Variants in METTL9 observed in about 807,000 individuals in gnomAD.
The protein encoded by METTL9 is methyltransferase 9, His-X-His N1(pi)-histidine.
In METTL9, 10 loss-of-function variants were observed where a neutral mutation model predicts 36.0. That is an observed-to-expected ratio of 0.28 (90% CI 0.17 to 0.47). The LOEUF (loss-of-function observed/expected upper bound fraction) is 0.47. Ranked by LOEUF, METTL9 falls within the 20% of genes least tolerant of loss-of-function variation. The pLI is 0.99. For missense variants in METTL9, 246 were observed against 383.5 expected, an observed-to-expected ratio of 0.64 and a Z score of 3.00; for synonymous variants, 175 against 149.7, an observed-to-expected ratio of 1.17 and a Z score of -1.23.
At chr16:21,630,881 T>C (rs1255189575) in intron 4 of METTL9, among the ~76,000 whole-genome samples, 1 of 152,164 alleles carries the variant, frequency 6.6e-6, no homozygotes, top group Non-Finnish European at 1.5e-5. Context: ...TACAAGAGTT[T>C]GAAAGGTGGT....
upstream of METTL9, among the ~76,000 whole-genome samples, chr16:21,597,533 T>C (rs1451559379): frequency 6.6e-6 from 1 of 152,224 alleles, no homozygotes; most frequent in Non-Finnish European, 1.5e-5. Context: ...GACCCCAAAA[T>C]CCTTCTGACT....
chr16:21,651,817 A>T (rs1966584058), intron 4 of METTL9: 1 of 152,186 alleles, frequency 6.6e-6, no homozygotes, highest in South Asian at 2.1e-4. Context: ...CTTTAAAATA[A>T]TGCTAATTAA....
intron 4 of METTL9, among the ~76,000 whole-genome samples, chr16:21,633,594 T>C (rs1327761093): frequency 6.6e-6 from 1 of 152,164 alleles, no homozygotes; most frequent in Non-Finnish European, 1.5e-5. Context: ...TGCACCATTC[T>C]GCCTCCTCTG....
At chr16:21,638,497 A>G (rs1966163931) in intron 4 of METTL9, among the ~76,000 whole-genome samples, 1 of 152,154 alleles carries the variant, frequency 6.6e-6, no homozygotes, top group Non-Finnish European at 1.5e-5. Flanking sequence ...CTATAGAAAC[A>G]TTGTTCAATT....
chr16:21,641,514 C>T, intron 4 of METTL9: 2 of 1,505,874 alleles, frequency 1.3e-6, no homozygotes, highest in Non-Finnish European at 1.8e-6. Context: ...TCAGTGACTT[C>T]ATTGAAAATT....
intron 4 of METTL9, among the ~76,000 whole-genome samples, chr16:21,651,535 C>T (rs890540849): frequency 1.3e-5 from 2 of 152,012 alleles, no homozygotes; most frequent in Non-Finnish European, 2.9e-5. Context: ...CTCCTGAGCT[C>T]AAGTGATCCT....
intron 4 of METTL9, among the ~76,000 whole-genome samples, chr16:21,650,508 CAAA>C (rs3046229): frequency 7.8e-5 from 7 of 89,980 alleles, no homozygotes; most frequent in Non-Finnish European, 6.5e-5. Context: ...ACTCTTGTCT[CAAA>C]AAAAAAAAAA....
In METTL9 at chr16:21,599,600, T is replaced by C; in HGVS notation, c.-134T>C. ...TCCTCCCCACCCCCAGCCTTTGCCC[T>C]GAAGGGGGCTGGATGGGCAAGGCGG... On this transcript the variant is annotated 5_prime_UTR_variant, in exon 1 of 5. Transcript: ENST00000358154. The surrounding 1 kb of genome is among the most constrained non-coding windows in gnomAD (Gnocchi z 4.4). The C allele has an allele frequency of 7.6e-7, 1 of 1,315,970 alleles. No individual in the cohort carries two copies. 81.5% of individuals were successfully genotyped at this position (1,315,970 alleles called of 1,614,324 possible).
intron 1 of METTL9, among the ~76,000 whole-genome samples, chr16:21,606,972 A>G (rs975746199): frequency 6.6e-6 from 1 of 152,230 alleles, no homozygotes; most frequent in Non-Finnish European, 1.5e-5. Flanking sequence ...ATTTGGTCTG[A>G]TTAGCAAATC....
intron 4 of METTL9, chr16:21,647,454 A>T: frequency 6.2e-7 from 1 of 1,614,038 alleles, no homozygotes; most frequent in Non-Finnish European, 8.5e-7. Flanking sequence ...TCTAGGTACC[A>T]CGGTTGTGTG....
intron 1 of METTL9, among the ~76,000 whole-genome samples, chr16:21,605,502 C>T (rs191630064): frequency 6.6e-6 from 1 of 151,812 alleles, no homozygotes; most frequent in South Asian, 2.1e-4. Flanking sequence ...GCCTCAGTCT[C>T]CCAAAGTGCT....
At chr16:21,644,200 G>A in intron 4 of METTL9, 2 of 901,098 alleles carry the variant, frequency 2.2e-6, no homozygotes, top group Admixed American at 3.8e-5. Context: ...CTCTTGCTGA[G>A]GCCCATAACT....
At chr16:21,642,874 G>A (rs1370660380) in intron 4 of METTL9, among the ~76,000 whole-genome samples, 1 of 152,096 alleles carries the variant, frequency 6.6e-6, no homozygotes, top group Non-Finnish European at 1.5e-5. Context: ...ATGCCAGCCT[G>A]GGGCTATTTA....
rs1965595925 is a variant in METTL9, at chr16:21,617,953, C to T, written c.445C>T (p.Leu149Phe). The change falls in exon 3 of 5, where the codon CTT becomes TTT. Residue 149 changes from leucine to phenylalanine, a missense_variant. Physicochemically the swap from Leu to Phe is conservative, Grantham distance 22. Coordinates refer to ENST00000358154, the MANE Select transcript of METTL9 (RefSeq NM_016025.5). ...KINPDWKTHR[L>F]LDLGAGDGEV... ...TAATCCAGACTGGAAAACCCACAGA[C>T]TTCTTGATTTAGGTGCTGGAGATGG... 1.9e-6 allele frequency: 3 copies of T among 1,613,876 alleles called. No individual in the cohort carries two copies. The highest frequency in any genetic ancestry group is 2.5e-6 in the Non-Finnish European group (3 of 1,179,958).
intron 4 of METTL9, chr16:21,652,466 A>C: frequency 8.1e-7 from 1 of 1,240,654 alleles, no homozygotes; most frequent in Non-Finnish European, 1.2e-6. Flanking sequence ...TAAAATATAA[A>C]TGCATTAGGT....
chr16:21,646,284 A>C (rs1238684467), intron 4 of METTL9: 2 of 152,152 alleles, frequency 1.3e-5, no homozygotes, highest in African/African-American at 4.8e-5. Flanking sequence ...GTTTTATCAA[A>C]TCTCAGGAAG....
upstream of METTL9, among the ~76,000 whole-genome samples, chr16:21,597,744 G>T (rs554804576): frequency 1.2e-4 from 18 of 152,266 alleles, no homozygotes; most frequent in Admixed American, 3.9e-4. Context: ...GAGTTGCTTT[G>T]TCTGTTACAC....
At chr16:21,608,979 A>G (rs1965358911) in intron 1 of METTL9, among the ~76,000 whole-genome samples, 1 of 152,194 alleles carries the variant, frequency 6.6e-6, no homozygotes. Flanking sequence ...AATCAGCTGG[A>G]GCTGCTTAGG....
chr16:21,611,995 C>G (rs1447246775), intron 1 of METTL9: 5 of 152,126 alleles, frequency 3.3e-5, no homozygotes, highest in Non-Finnish European at 7.4e-5. Context: ...TAAGTAACTT[C>G]TTAATCTTTC....
Sources: allele counts gnomAD v4.1 joint callset (sites outside exome capture counted in the v4.1 genomes callset), GRCh38; gene constraint gnomAD v4.1.1; non-coding constraint Gnocchi (gnomAD v3.1); transcripts MANE v1.5; gene names NCBI Gene and HGNC (gene_info 2026-07-23, HGNC 2026-07-21).